PALM2AKAP2: variants seen among roughly 807,000 people sequenced by gnomAD.
PALM2AKAP2 encodes the protein PALM2-AKAP2 fusion protein.
A neutral mutation model predicts 71.5 loss-of-function variants in PALM2AKAP2; 37 were observed. The observed-to-expected ratio is 0.52, with a 90% CI of 0.40 to 0.68. The LOEUF is 0.68. Ranked by LOEUF, PALM2AKAP2 falls within the 30% of genes least tolerant of loss-of-function variation. The pLI is 0.00. For missense variants in PALM2AKAP2, 1,224 were observed against 1,191.8 expected, an observed-to-expected ratio of 1.03 and a Z score of -0.40; for synonymous variants, 468 against 478.8, an observed-to-expected ratio of 0.98 and a Z score of 0.29.
rs185807448 is a variant in PALM2AKAP2 at position 109,958,116 on chromosome 9, C to G, written c.496+26088C>G. ...TTCCCTTCTCCTTTCCTTCCCATTACAAAAGAAATATATTTGAGGCAGTTG... is the reference window on the plus strand; with the variant it reads ...TTCCCTTCTCCTTTCCTTCCCATTAGAAAAGAAATATATTTGAGGCAGTTG... On this transcript the variant is annotated intron_variant, in intron 6 of 9. Transcript: ENST00000302798. Among the ~76,000 whole-genome samples the G allele has an allele frequency of 3.5e-4, 51 of 147,256 alleles. No individual in the cohort carries two copies. In the East Asian group the frequency reaches 9.7e-3, roughly 28 times the overall value.
At chr9:109,832,333 G>C (rs1828325152) in intron 1 of PALM2AKAP2, among the ~76,000 whole-genome samples, 1 of 152,228 alleles carries the variant, frequency 6.6e-6, no homozygotes, top group Non-Finnish European at 1.5e-5. Context: ...CAGTTTCACT[G>C]TCTGTAAAAT....
At chr9:109,766,882 A>G (rs1469755861) in intron 1 of PALM2AKAP2, among the ~76,000 whole-genome samples, 3 of 152,140 alleles carry the variant, frequency 2.0e-5, no homozygotes, top group African/African-American at 7.2e-5. Context: ...GCCAATAAAT[A>G]TGGAGCTGAC....
At chr9:109,751,238 A>G (rs1461978383) in intron 1 of PALM2AKAP2, among the ~76,000 whole-genome samples, 2 of 152,168 alleles carry the variant, frequency 1.3e-5, no homozygotes, top group Non-Finnish European at 2.9e-5. Context: ...CTAAATATCC[A>G]TAAGGGAAAA....
chr9:110,076,494 T>G (rs1370521983), intron 1 of PALM2AKAP2, among the ~76,000 whole-genome samples: 1 of 139,488 alleles, frequency 7.2e-6, no homozygotes, highest in South Asian at 2.2e-4. Flanking sequence ...ATATTCTACA[T>G]ATATATATAT....
intron 1 of PALM2AKAP2, among the ~76,000 whole-genome samples, chr9:109,847,302 G>A (rs1343829442): frequency 1.3e-5 from 2 of 152,194 alleles, no homozygotes; most frequent in Non-Finnish European, 2.9e-5. Flanking sequence ...TTAGAGGGAT[G>A]CACCCCTAAG....
intron 1 of PALM2AKAP2, among the ~76,000 whole-genome samples, chr9:109,698,222 G>A (rs1828000596): frequency 6.6e-6 from 1 of 151,544 alleles, no homozygotes. Flanking sequence ...ATGAGACCAG[G>A]GTATATAACA....
chr9:109,954,525 G>A, intron 6 of PALM2AKAP2, among the ~76,000 whole-genome samples: 1 of 134,864 alleles, frequency 7.4e-6, no homozygotes, highest in South Asian at 2.9e-4. Context: ...GGGGGAGGGG[G>A]GAGGGATAGC....
intron 6 of PALM2AKAP2, among the ~76,000 whole-genome samples, chr9:109,971,229 T>C (rs1274673172): frequency 6.8e-6 from 1 of 146,064 alleles, no homozygotes; most frequent in African/African-American, 2.5e-5. Flanking sequence ...AATGAATCCA[T>C]CTCCTTATCC....
intron 5 of PALM2AKAP2, among the ~76,000 whole-genome samples, chr9:109,930,206 C>T (rs1167586282): frequency 6.6e-6 from 1 of 151,728 alleles, no homozygotes; most frequent in Non-Finnish European, 1.5e-5. Context: ...TCCTTCTCCC[C>T]AAATGGTTAA....
At chr9:110,028,070 T>G (rs912658960) in intron 7 of PALM2AKAP2, among the ~76,000 whole-genome samples, 9 of 152,098 alleles carry the variant, frequency 5.9e-5, no homozygotes, top group African/African-American at 2.2e-4. Flanking sequence ...TCAGAGGGGG[T>G]TTGGCATTGG....
chr9:109,804,077 G>C (rs561862330), intron 1 of PALM2AKAP2, among the ~76,000 whole-genome samples: 1 of 152,274 alleles, frequency 6.6e-6, no homozygotes, highest in South Asian at 2.1e-4. Flanking sequence ...GCCCAGTGGT[G>C]GCACATTCCC....
At chr9:110,136,076 C>A (rs1835856139) in intron 1 of PALM2AKAP2, 51 bp from the exon 8 acceptor site, 3 of 1,514,688 alleles carry the variant, frequency 2.0e-6, no homozygotes, top group Middle Eastern at 3.6e-4. Flanking sequence ...GCATTCACAT[C>A]CATAAGAGAT....
chr9:109,757,087 A>G (rs1828975105), intron 1 of PALM2AKAP2, among the ~76,000 whole-genome samples: 1 of 152,088 alleles, frequency 6.6e-6, no homozygotes, highest in African/African-American at 2.4e-5. Flanking sequence ...GTTTGCGCCT[A>G]TTCGCCAACC....
At chr9:109,779,621 A>T (rs1200914918), upstream of PALM2AKAP2, among the ~76,000 whole-genome samples, 1 of 152,174 alleles carries the variant, frequency 6.6e-6, no homozygotes, top group Non-Finnish European at 1.5e-5. Flanking sequence ...AGCACCCAGG[A>T]CTAAAAACTC....
At chr9:109,666,842 A>G (rs1214100882) in intron 1 of PALM2AKAP2, among the ~76,000 whole-genome samples, 1 of 152,250 alleles carries the variant, frequency 6.6e-6, no homozygotes, top group Non-Finnish European at 1.5e-5. Flanking sequence ...AGCCCACCAA[A>G]GAAGCACAAC....
upstream of PALM2AKAP2, among the ~76,000 whole-genome samples, chr9:110,045,064 G>C (rs1833573977): frequency 1.2e-5 from 1 of 83,870 alleles, no homozygotes; most frequent in African/African-American, 5.1e-5. Flanking sequence ...TCTACTTCTT[G>C]GGTCCCCTGG....
chr9:109,866,048 C>G (rs958133773), intron 1 of PALM2AKAP2, among the ~76,000 whole-genome samples: 1 of 152,174 alleles, frequency 6.6e-6, no homozygotes, highest in Non-Finnish European at 1.5e-5. Flanking sequence ...ATGTGTCTTA[C>G]TTTGTCAGGG....
intron 7 of PALM2AKAP2, among the ~76,000 whole-genome samples, chr9:110,036,281 G>C (rs1833408672): frequency 6.6e-6 from 1 of 152,136 alleles, no homozygotes; most frequent in Admixed American, 6.5e-5. Flanking sequence ...CCCTGATCAA[G>C]TGGGAGTTTT....
intron 1 of PALM2AKAP2, among the ~76,000 whole-genome samples, chr9:109,642,039 C>T (rs1827077465): frequency 6.6e-6 from 1 of 152,158 alleles, no homozygotes. Context: ...CTCAGTTTCC[C>T]TATCTCTGCA....
Sources: gnomAD v4.1 joint callset for allele counts (sites outside exome capture counted in the v4.1 genomes callset) on GRCh38, gnomAD v4.1.1 for gene constraint, MANE v1.5 for transcripts, NCBI Gene and HGNC (gene_info 2026-07-23, HGNC 2026-07-21) for gene names.